PARD3B: variants seen among roughly 807,000 people sequenced by gnomAD.
The protein encoded by PARD3B is partitioning defective 3 homolog B.
In PARD3B, 103 loss-of-function variants were observed where a neutral mutation model predicts 130.2. The observed-to-expected ratio is 0.79, with a 90% confidence interval of 0.67 to 0.93. The LOEUF (loss-of-function observed/expected upper bound fraction) is 0.93, where lower values mean the gene tolerates loss of function less well. Ranked by LOEUF, PARD3B falls within the 40% of genes least tolerant of loss-of-function variation. The probability of loss-of-function intolerance (pLI) is 0.00; values close to 1 mark genes in which losing one functional copy is unlikely to be tolerated. For missense variants in PARD3B, 1,609 were observed against 1,499.2 expected (o/e 1.07, Z -1.21); for synonymous variants, 583 against 553.2 (o/e 1.05, Z -0.76).
At chr2:205,555,555 A>C (rs1559212587) in intron 22 of PARD3B, among the ~76,000 whole-genome samples, 1 of 152,212 alleles carries the variant, frequency 6.6e-6, no homozygotes, top group Non-Finnish European at 1.5e-5. Flanking sequence ...TTTCTGTCAA[A>C]GATAATACAT....
chr2:204,567,999 G>A (rs2031776615), intron 1 of PARD3B, among the ~76,000 whole-genome samples: 1 of 152,088 alleles, frequency 6.6e-6, no homozygotes, highest in Non-Finnish European at 1.5e-5. Context: ...CTAAATTATA[G>A]TTTTCATACA....
rs1454074681 is a variant in PARD3B, at chr2:204,610,444, C to T, written c.120+64325C>T. 9.9e-5 allele frequency among the ~76,000 whole-genome samples: 15 copies of T among 152,170 alleles called. No individual in the cohort carries two copies. The highest frequency in any genetic ancestry group is 9.8e-4 in the Admixed American group (15 of 15,266). On this transcript the variant is annotated intron_variant, in intron 1 of 22. Coordinates refer to ENST00000406610, the MANE Select transcript of PARD3B (RefSeq NM_001302769.2). This position sits in a 1 kb window ranked among gnomAD's most constrained non-coding sequence, Gnocchi z 4.1. ...GGTCTTGGCTTACTGCAACCTCGAC[C>T]TCCCATGTTAAAGCGATTCTCCTGC...
At position 204,624,394 on chromosome 2, in the gene PARD3B, G is replaced by A. The variant is rs183749772; in HGVS notation, c.121-61787G>A. Among the ~76,000 whole-genome samples the A allele has an allele frequency of 1.8e-3, 281 of 152,184 alleles. 1 individual carries two copies. Among genetic ancestry groups the A allele is most frequent in the African/African-American group, 6.0e-3 (248 of 41,554 alleles). ...GGAATGTAAAATGGTACAGGCTACC[G>A]TGCAAAACAGTGAAAACTACTCAAA... On this transcript the variant is annotated intron_variant, in intron 1 of 22. Transcript: ENST00000406610.
chr2:205,223,510 T>C (rs1174929760), intron 15 of PARD3B, among the ~76,000 whole-genome samples: 1 of 152,168 alleles, frequency 6.6e-6, no homozygotes, highest in Non-Finnish European at 1.5e-5. Context: ...TGACTGCTGC[T>C]CATGAAGACA....
chr2:205,057,569 G>GTATATGTGTATACGTATATATACA (rs1699772241), intron 4 of PARD3B, among the ~76,000 whole-genome samples: 1 of 130,124 alleles, frequency 7.7e-6, no homozygotes, highest in Non-Finnish European at 1.7e-5. Context: ...ATACATATAT[G>GTATATGTGTATACGTATATATACA]TATATGTGTA....
At chr2:204,691,170 G>C (rs1007495421) in intron 2 of PARD3B, among the ~76,000 whole-genome samples, 1 of 151,950 alleles carries the variant, frequency 6.6e-6, no homozygotes, top group African/African-American at 2.4e-5. Flanking sequence ...TGAGTATTAA[G>C]CTTTTTAAAA....
chr2:205,200,382 C>A (rs920501928), intron 15 of PARD3B, among the ~76,000 whole-genome samples: 14 of 152,100 alleles, frequency 9.2e-5, no homozygotes, highest in African/African-American at 3.4e-4. Flanking sequence ...AGCAAACAGA[C>A]CTCTTTCAGT....
intron 18 of PARD3B, among the ~76,000 whole-genome samples, chr2:205,334,936 A>G (rs1042186659): frequency 6.6e-6 from 1 of 152,164 alleles, no homozygotes; most frequent in African/African-American, 2.4e-5. Flanking sequence ...CCTCCCTCAA[A>G]TGTGGGTTTC....
chr2:204,554,259 A>C (rs1377115759), intron 1 of PARD3B, among the ~76,000 whole-genome samples: 2 of 152,088 alleles, frequency 1.3e-5, no homozygotes, highest in African/African-American at 4.8e-5. Flanking sequence ...CCACTGGGGT[A>C]GTTCCAGCCC....
In PARD3B at chr2:205,288,372, T is replaced by A. The variant is rs2105863016; in HGVS notation, c.2186-12158T>A. Among the ~76,000 whole-genome samples, 1 of 152,252 alleles carries A rather than the reference T, an allele frequency of 6.6e-6. No homozygotes were observed. Among genetic ancestry groups the A allele is most frequent in the South Asian group, 2.1e-4 (1 of 4,820 alleles). On this transcript the variant is annotated intron_variant, in intron 16 of 22. Transcript: ENST00000406610. The surrounding 1 kb of genome is among the most constrained non-coding windows in gnomAD (Gnocchi z 4.0). ...TGTATATGAAGAAATTAGAAGAAAT[T>A]TGAAATTGTAAAAAGAAAGGAAGAG...
At chr2:205,181,748 T>C (rs1425296967) in intron 13 of PARD3B, among the ~76,000 whole-genome samples, 1 of 152,090 alleles carries the variant, frequency 6.6e-6, no homozygotes, top group African/African-American at 2.4e-5. Context: ...AAGATGATAA[T>C]TAAAAAGAAG....
chr2:205,047,865 C>T (rs944868612), intron 4 of PARD3B, 175 bp downstream of exon 4: 4 of 484,030 alleles, frequency 8.3e-6, no homozygotes, highest in African/African-American at 4.0e-5. Flanking sequence ...ATAGTTATAG[C>T]GATAGCTATT....
intron 2 of PARD3B, among the ~76,000 whole-genome samples, chr2:204,699,586 T>C (rs763969268): frequency 7.9e-5 from 12 of 152,006 alleles, no homozygotes; most frequent in Non-Finnish European, 1.6e-4. Context: ...TGTGATGAGT[T>C]AGAAAAATAA....
chr2:204,635,836 A>C (rs1430534181), intron 1 of PARD3B, among the ~76,000 whole-genome samples: 1 of 152,250 alleles, frequency 6.6e-6, no homozygotes, highest in Non-Finnish European at 1.5e-5. Flanking sequence ...GTATCATAAT[A>C]GAAATCATTT....
At chr2:204,663,538 G>A (rs948529645) in intron 1 of PARD3B, among the ~76,000 whole-genome samples, 2 of 152,198 alleles carry the variant, frequency 1.3e-5, no homozygotes, top group Non-Finnish European at 2.9e-5. Flanking sequence ...TATAAAGATC[G>A]TATTGAAGGT....
rs2053006633 is a variant in PARD3B at position 205,558,701 on chromosome 2, C to A, written c.3260+5298C>A. ...GCCGTCTCCTCCATTCCTGCCAATT[C>A]AATGCCCGTCTCTATGATGATTCCA... On this transcript the variant is annotated intron_variant, in intron 22 of 22. Transcript: ENST00000406610. This position sits in a 1 kb window ranked among gnomAD's most constrained non-coding sequence, Gnocchi z 4.8. 1.3e-5 allele frequency among the ~76,000 whole-genome samples: 2 copies of A among 152,152 alleles called. No homozygotes were observed. The highest frequency in any genetic ancestry group is 1.3e-4 in the Admixed American group (2 of 15,264).
At chr2:205,035,043 A>C (rs1454572130) in intron 3 of PARD3B, among the ~76,000 whole-genome samples, 3 of 151,910 alleles carry the variant, frequency 2.0e-5, no homozygotes, top group Non-Finnish European at 2.9e-5. Flanking sequence ...TTGTACTTTT[A>C]GTAGAGACAG....
chr2:204,632,854 A>G (rs530519520), intron 1 of PARD3B, among the ~76,000 whole-genome samples: 5 of 152,252 alleles, frequency 3.3e-5, no homozygotes, highest in South Asian at 2.1e-4. Context: ...ATCAGTGTCA[A>G]TGCAAGTTCC....
intron 2 of PARD3B, among the ~76,000 whole-genome samples, chr2:204,901,542 G>C (rs2046858337): frequency 6.6e-6 from 1 of 151,868 alleles, no homozygotes; most frequent in African/African-American, 2.4e-5. Context: ...CAAGTGCCAA[G>C]GCCTGGAATC....
Sources: allele counts gnomAD v4.1 joint callset (sites outside exome capture counted in the v4.1 genomes callset), GRCh38; gene constraint gnomAD v4.1.1; non-coding constraint Gnocchi (gnomAD v3.1); transcripts MANE v1.5; gene names NCBI Gene and HGNC (gene_info 2026-07-23, HGNC 2026-07-21).